Variants in LARS2 observed in about 807,000 individuals in gnomAD.
The protein encoded by LARS2 is leucine--tRNA ligase, mitochondrial.
Under a neutral mutation model 116.6 loss-of-function variants are expected in LARS2, and 81 were observed. That is an observed-to-expected ratio of 0.69 (90% CI 0.58 to 0.84). The LOEUF is 0.84. LARS2 is among the 40% of genes least tolerant of loss of function. LARS2 has a pLI of 0.00. For missense variants in LARS2, 968 were observed against 1,114.5 expected (o/e 0.87, Z 1.87); for synonymous variants, 396 against 407.2 (o/e 0.97, Z 0.33).
rs1698990273 is a variant in LARS2, at chr3:45,444,786, G to C, written c.517-2105G>C. Among the ~76,000 whole-genome samples, 2 of 149,252 alleles carry C rather than the reference G, an allele frequency of 1.3e-5. 1 individual carries two copies. The highest frequency in any genetic ancestry group is 1.3e-4 in the Admixed American group (2 of 14,922). On this transcript the variant is annotated intron_variant, in intron 6 of 21. Transcript: ENST00000645846. Reference sequence around the variant, plus strand: ...ATATTTGTATATTTTATATATGTGTGTATATATAAAATATGTTGTATATGT... The same window carrying C: ...ATATTTGTATATTTTATATATGTGTCTATATATAAAATATGTTGTATATGT...
At chr3:45,510,178 C>T (rs1700266031) in intron 15 of LARS2, among the ~76,000 whole-genome samples, 3 of 152,070 alleles carry the variant, frequency 2.0e-5, no homozygotes, top group East Asian at 3.9e-4. Context: ...TTTGGGAGGC[C>T]GAGGCAGGAG....
At chr3:45,417,431 A>G (rs779517906) in intron 4 of LARS2, 51 bp from the exon 5 acceptor site, 8 of 1,339,276 alleles carry the variant, frequency 6.0e-6, no homozygotes, top group African/African-American at 1.4e-5. Flanking sequence ...GACAATACCA[A>G]TGGAGTTATT....
chr3:45,485,938 A>T lies in LARS2; in HGVS notation c.1123+142A>T. 4 of 546,964 alleles carry T rather than the reference A, an allele frequency of 7.3e-6. 1 individual carries two copies. In the South Asian group the frequency reaches 9.3e-5, roughly 13 times the overall value. 33.9% of individuals were successfully genotyped at this position (546,964 alleles called of 1,614,324 possible). A position where few individuals can be genotyped will look rare whatever the true frequency, so the allele number is the denominator to read the frequency against. ...TCCTCATAAAAATGAATAACCCTTC[A>T]TTTAATCATCCCTTGTTTCAGAACT... On this transcript the variant is annotated intron_variant, in intron 11 of 21. Transcript: ENST00000645846.
In LARS2 at chr3:45,547,479, G is replaced by A; in HGVS notation, c.2661G>A (p.Lys887=). The A allele has an allele frequency of 6.2e-7, 1 of 1,613,462 alleles. No individual in the cohort carries two copies. The highest frequency in any genetic ancestry group is 2.2e-5 in the East Asian group (1 of 44,834). Residue 887 remains lysine, a synonymous_variant, in exon 22 of 22, where the codon AAG becomes AAA. Transcript: ENST00000645846. ...VRLLQGRSIK[K]SFLSPRTALI... is the part of the protein sequence containing the mutation. Reference sequence around the variant, plus strand: ...TTTTGCAAGGACGAAGCATCAAGAAGTCCTTCCTTTCCCCGAGAACTGCCC... The same window carrying A: ...TTTTGCAAGGACGAAGCATCAAGAAATCCTTCCTTTCCCCGAGAACTGCCC...
intron 10 of LARS2, 44 bp from the exon 11 acceptor site, chr3:45,485,648 G>A (rs779688639): frequency 9.3e-7 from 1 of 1,078,746 alleles, no homozygotes; most frequent in East Asian, 2.4e-5. Context: ...TGGTGTTGGT[G>A]TCTCAGTTGA....
intron 21 of LARS2, among the ~76,000 whole-genome samples, chr3:45,542,427 A>C (rs1700812734): frequency 6.6e-6 from 1 of 152,188 alleles, no homozygotes; most frequent in Non-Finnish European, 1.5e-5. Context: ...TTAAATACAT[A>C]AGAGGAGTTT....
intron 6 of LARS2, among the ~76,000 whole-genome samples, chr3:45,427,577 A>G (rs1052521888): frequency 2.6e-5 from 4 of 152,228 alleles, no homozygotes; most frequent in African/African-American, 9.6e-5. Flanking sequence ...TACAAGACTT[A>G]CTTTTAATAA....
intron 21 of LARS2, among the ~76,000 whole-genome samples, chr3:45,544,890 A>G (rs979166677): frequency 6.6e-6 from 1 of 152,046 alleles, no homozygotes; most frequent in Non-Finnish European, 1.5e-5. Context: ...GCCCACAGAG[A>G]CCCGGGCTGA....
intron 3 of LARS2, among the ~76,000 whole-genome samples, chr3:45,397,576 G>A (rs1698069154): frequency 6.6e-6 from 1 of 152,122 alleles, no homozygotes; most frequent in Non-Finnish European, 1.5e-5. Flanking sequence ...GGCAAGATTG[G>A]TAAATTAAAT....
intron 2 of LARS2, among the ~76,000 whole-genome samples, chr3:45,393,215 C>T (rs989529332): frequency 1.3e-5 from 2 of 152,012 alleles, no homozygotes; most frequent in Non-Finnish European, 2.9e-5. Flanking sequence ...ATTTTTGTTT[C>T]TCATCTGCCT....
intron 15 of LARS2, among the ~76,000 whole-genome samples, chr3:45,512,447 G>A (rs1047730351): frequency 2.9e-4 from 44 of 152,260 alleles, no homozygotes; most frequent in African/African-American, 1.0e-3. Flanking sequence ...AAGTTTATAT[G>A]TCACTATTTA....
intron 10 of LARS2, chr3:45,484,106 C>G (rs1277838472): frequency 6.6e-6 from 1 of 150,844 alleles, no homozygotes; most frequent in African/African-American, 2.4e-5. Context: ...ACTCAGGAAG[C>G]TGAGGTGGGA....
At chr3:45,444,137 TG>T (rs1168541605) in intron 6 of LARS2, among the ~76,000 whole-genome samples, 4 of 150,290 alleles carry the variant, frequency 2.7e-5, no homozygotes, top group African/African-American at 9.8e-5. Flanking sequence ...CCCAAGTAGC[TG>T]GGACTACAGG....
intron 20 of LARS2, among the ~76,000 whole-genome samples, chr3:45,530,514 G>A (rs779990569): frequency 1.3e-5 from 2 of 151,858 alleles, no homozygotes; most frequent in African/African-American, 2.4e-5. Context: ...GCAAGACTCC[G>A]TCTCAAAAAA....
At chr3:45,529,757 G>A (rs1417951873) in intron 20 of LARS2, among the ~76,000 whole-genome samples, 1 of 152,158 alleles carries the variant, frequency 6.6e-6, no homozygotes, top group African/African-American at 2.4e-5. Flanking sequence ...GATTCCAGAT[G>A]TTAAATATGG....
At chr3:45,496,873 C>T (rs1267346071) in intron 14 of LARS2, among the ~76,000 whole-genome samples, 1 of 152,238 alleles carries the variant, frequency 6.6e-6, no homozygotes, top group African/African-American at 2.4e-5. Context: ...AGATTATTCA[C>T]AGCCAAGTAA....
At chr3:45,490,804 G>A (rs1488596600) in intron 12 of LARS2, among the ~76,000 whole-genome samples, 1 of 152,156 alleles carries the variant, frequency 6.6e-6, no homozygotes, top group African/African-American at 2.4e-5. Context: ...AAGCCACACT[G>A]GCTCAATTCA....
rs1455488411 is a variant in LARS2, at chr3:45,484,645, ATATT to A, written c.1019-1044_1019-1041del. Among the ~76,000 whole-genome samples, 11 of 97,672 alleles carry A rather than the reference ATATT, an allele frequency of 1.1e-4. 2 individuals are homozygous for A. Among genetic ancestry groups the A allele is most frequent in the South Asian group, 1.1e-3 (3 of 2,720 alleles). The allele number at this position is 97,672 out of a possible 152,430, so 64.1% of individuals were successfully genotyped here. A position where few individuals can be genotyped will look rare whatever the true frequency, so the allele number is the denominator to read the frequency against. On this transcript the variant is annotated intron_variant, in intron 10 of 21. Transcript: ENST00000645846. Reference sequence around the variant, plus strand: ...AAAAAAAAAAAATATATATATATATATATTTAAAATAAGATGTTATTTTAAATAA... The same window carrying A: ...AAAAAAAAAAAATATATATATATATATAAAATAAGATGTTATTTTAAATAA...
intron 6 of LARS2, among the ~76,000 whole-genome samples, chr3:45,435,701 T>C (rs1245219881): frequency 6.6e-6 from 1 of 151,112 alleles, no homozygotes; most frequent in African/African-American, 2.5e-5. Flanking sequence ...GGGTTACCAG[T>C]TTTGTTAGCT....
Sources: allele counts gnomAD v4.1 joint callset (sites outside exome capture counted in the v4.1 genomes callset), GRCh38; gene constraint gnomAD v4.1.1; transcripts MANE v1.5; gene names NCBI Gene and HGNC (gene_info 2026-07-23, HGNC 2026-07-21).